The following MIAT variants were observed in gnomAD, a reference collection of about 807,000 sequenced individuals.
The protein encoded by MIAT is myocardial infarction associated transcript, also known as MI related novel mRNA.
At chr22:26,656,977 C>T (rs1392847524) in intron 2 of MIAT, among the ~76,000 whole-genome samples, 1 of 152,236 alleles carries the variant, frequency 6.6e-6, no homozygotes, top group Non-Finnish European at 1.5e-5. Context: ...AGGCCAAATG[C>T]TGTACACGCA....
chr22:26,668,634 TGGGAGTC>T (rs1930938503), exon 6 of MIAT: 1 of 399,126 alleles, frequency 2.5e-6, no homozygotes, highest in Admixed American at 4.4e-5. Context: ...GGAACAAGGA[TGGGAGTC>T]GGGGAGGGGC....
At chr22:26,665,856 G>A (rs1930826265) in exon 4 of MIAT, 8 of 398,612 alleles carry the variant, frequency 2.0e-5, no homozygotes, top group Admixed American at 8.8e-5. Context: ...AAACATTACC[G>A]TCTGGAACTT....
chr22:26,647,451 G>A, intron 2 of MIAT: 1 of 389,846 alleles, frequency 2.6e-6, no homozygotes, highest in East Asian at 3.6e-5. Context: ...AAAGCAAATG[G>A]ATATGTAATT....
At chr22:26,660,168 T>C (rs1930613615) in intron 2 of MIAT, among the ~76,000 whole-genome samples, 1 of 151,716 alleles carries the variant, frequency 6.6e-6, no homozygotes, top group Non-Finnish European at 1.5e-5. Flanking sequence ...TTCTCTCTGG[T>C]ATATTTTCTA....
intron 2 of MIAT, among the ~76,000 whole-genome samples, chr22:26,658,983 G>A (rs554219272): frequency 1.9e-4 from 29 of 152,344 alleles, no homozygotes; most frequent in African/African-American, 6.7e-4. Flanking sequence ...ACGCAGGGCA[G>A]GGATGAGTAA....
chr22:26,653,290 T>C (rs750846309), intron 2 of MIAT, among the ~76,000 whole-genome samples: 1 of 152,184 alleles, frequency 6.6e-6, no homozygotes, highest in African/African-American at 2.4e-5. Context: ...CTGCTGAACA[T>C]GAGGGTCCAC....
At chr22:26,674,963 G>A (rs1931205365) in exon 5 of MIAT, 1 of 398,790 alleles carries the variant, frequency 2.5e-6, no homozygotes, top group East Asian at 3.6e-5. Flanking sequence ...TGAGATGGGT[G>A]TTATGATTGG....
downstream of MIAT, chr22:26,673,882 GT>G: frequency 2.5e-6 from 1 of 398,654 alleles, no homozygotes; most frequent in Non-Finnish European, 4.4e-6. Flanking sequence ...GTCTTGCAAG[GT>G]TTTGGCCATT....
chr22:26,661,949 TATATATATATATAC>T (rs1283273161), intron 2 of MIAT, among the ~76,000 whole-genome samples: 515 of 40,010 alleles, frequency 0.013, 13 homozygotes, highest in Non-Finnish European at 0.017. Flanking sequence ...TATATATATA[TATATATATATATAC>T]ACACACACAC....
At chr22:26,648,554 G>T (rs1197015391) in intron 2 of MIAT, among the ~76,000 whole-genome samples, 11 of 101,202 alleles carry the variant, frequency 1.1e-4, no homozygotes, top group East Asian at 3.6e-4. Flanking sequence ...GTTTGATGGG[G>T]TTTTGTTTTT....
intron 3 of MIAT, among the ~76,000 whole-genome samples, chr22:26,663,671 C>T (rs1223859494): frequency 6.6e-6 from 1 of 152,142 alleles, no homozygotes; most frequent in Non-Finnish European, 1.5e-5. Flanking sequence ...TGATCTGGCA[C>T]TTTTTAGTTC....
downstream of MIAT, chr22:26,671,884 C>T: frequency 5.0e-6 from 2 of 398,462 alleles, no homozygotes; most frequent in Non-Finnish European, 8.8e-6. Flanking sequence ...TGGTTGAACA[C>T]GTCTGCTGCC....
intron 2 of MIAT, among the ~76,000 whole-genome samples, chr22:26,655,430 G>A (rs951228888): frequency 8.5e-5 from 13 of 152,156 alleles, no homozygotes; most frequent in African/African-American, 3.1e-4. Flanking sequence ...TTATGTGAGC[G>A]ATGAAGATGA....
rs546866826 is a variant in MIAT at position 26,657,735 on chromosome 22, C to T, written n.647-5581C>T. ...CGGGGAACAGCCTAATTCCCCAAGG[C>T]TGGGGTCGAGGGTAGGTCCCAGAGT... On this transcript the variant is annotated intron_variant and non_coding_transcript_variant, in intron 2 of 5. Coordinates refer to ENST00000643270, the Ensembl canonical transcript of MIAT. 1.3e-5 allele frequency: 5 copies of T among 398,552 alleles called. No homozygotes were observed. In the East Asian group the frequency reaches 1.4e-4, roughly 11 times the overall value. The allele number at this position is 398,552 out of a possible 1,614,324, so 24.7% of individuals were successfully genotyped here.
chr22:26,647,412 AGAGAGAGAG>A (rs1303332817), intron 2 of MIAT: 3 of 346,606 alleles, frequency 8.7e-6, no homozygotes, highest in Non-Finnish European at 1.5e-5. Flanking sequence ...AGAGAGAGAG[AGAGAGAGAG>A]AGAGATTGTG....
At chr22:26,659,716 T>C (rs895606302) in intron 2 of MIAT, among the ~76,000 whole-genome samples, 1 of 151,266 alleles carries the variant, frequency 6.6e-6, no homozygotes, top group African/African-American at 2.4e-5. Flanking sequence ...TATAATTTTT[T>C]CCGATTTTAA....
intron 2 of MIAT, among the ~76,000 whole-genome samples, chr22:26,650,854 G>C (rs1015570259): frequency 3.3e-5 from 5 of 152,194 alleles, no homozygotes; most frequent in African/African-American, 1.2e-4. Flanking sequence ...GACAGCACTG[G>C]GTTTCAATCT....
At chr22:26,671,645 C>G (rs564338716), downstream of MIAT, 5 of 398,542 alleles carry the variant, frequency 1.3e-5, no homozygotes, top group African/African-American at 8.2e-5. Context: ...TGCAGACCCA[C>G]GTTCCAGGAC....
exon 4 of MIAT, chr22:26,666,603 A>G (rs1930851242): frequency 7.5e-6 from 3 of 398,622 alleles, no homozygotes; most frequent in East Asian, 3.6e-5. Context: ...AGTTTGTCCT[A>G]CTTTCTCCTG....
Sources: gnomAD v4.1 joint callset for allele counts (sites outside exome capture counted in the v4.1 genomes callset) on GRCh38, gnomAD v4.1.1 for gene constraint, MANE v1.5 for transcripts, NCBI Gene and HGNC (gene_info 2026-07-23, HGNC 2026-07-21) for gene names.